MCTP1: variants seen among roughly 807,000 people sequenced by gnomAD.
MCTP1 encodes the protein multiple C2 and transmembrane domain containing 1.
In MCTP1, 69 loss-of-function variants were observed where a neutral mutation model predicts 120.6. That is an observed-to-expected ratio of 0.57 (90% CI 0.47 to 0.70). MCTP1 has a LOEUF of 0.70. Ranked by LOEUF, MCTP1 falls within the 30% of genes least tolerant of loss-of-function variation. MCTP1 has a pLI of 0.00. For missense variants in MCTP1, 1,203 were observed against 1,248.8 expected (o/e 0.96, Z 0.55); for synonymous variants, 529 against 493.1 (o/e 1.07, Z -0.96).
chr5:94,944,047 C>A (rs999416690), intron 3 of MCTP1, among the ~76,000 whole-genome samples: 180 of 151,194 alleles, frequency 1.2e-3, no homozygotes, highest in African/African-American at 4.2e-3. Flanking sequence ...CTTTTTTTTT[C>A]TTTTTATTTT....
chr5:95,063,812 G>A (rs1262952857), intron 1 of MCTP1, among the ~76,000 whole-genome samples: 1 of 77,948 alleles, frequency 1.3e-5, no homozygotes, highest in Non-Finnish European at 3.6e-5. Flanking sequence ...TGCCTAGGCT[G>A]GTCATTTTTT....
intron 6 of MCTP1, among the ~76,000 whole-genome samples, chr5:94,929,102 C>A (rs1299759369): frequency 6.6e-6 from 1 of 152,164 alleles, no homozygotes; most frequent in East Asian, 1.9e-4. Context: ...AGCTGATTCA[C>A]ATTGCAGAGC....
At chr5:94,945,451 G>T (rs1265875456) in intron 3 of MCTP1, among the ~76,000 whole-genome samples, 1 of 152,136 alleles carries the variant, frequency 6.6e-6, no homozygotes, top group Non-Finnish European at 1.5e-5. Context: ...AATGTCTATA[G>T]GTAATTATGG....
At chr5:95,051,652 ATT>A (rs1745935270) in intron 1 of MCTP1, among the ~76,000 whole-genome samples, 1 of 152,204 alleles carries the variant, frequency 6.6e-6, no homozygotes, top group Non-Finnish European at 1.5e-5. Flanking sequence ...TAAAATATAT[ATT>A]TGAGATATAC....
intron 22 of MCTP1, among the ~76,000 whole-genome samples, chr5:94,707,973 T>TA (rs34524369): frequency 0.05 from 7,104 of 142,140 alleles, 219 homozygotes; most frequent in Non-Finnish European, 0.071. Context: ...CTTCAGGATT[T>TA]AAAAAAAAAA....
intron 7 of MCTP1, among the ~76,000 whole-genome samples, chr5:94,918,283 G>A (rs77007772): frequency 0.019 from 2,895 of 152,246 alleles, 40 homozygotes; most frequent in Non-Finnish European, 0.029. Context: ...GTGCATCAGA[G>A]AAAATAACTA....
intron 1 of MCTP1, among the ~76,000 whole-genome samples, chr5:95,278,505 T>TAAACAAAC (rs971191440): frequency 1.3e-5 from 2 of 152,260 alleles, no homozygotes; most frequent in Non-Finnish European, 2.9e-5. Context: ...TCGTTCACAT[T>TAAACAAAC]AAACAAACAA....
intron 1 of MCTP1, among the ~76,000 whole-genome samples, chr5:95,092,181 T>C (rs1362308228): frequency 1.3e-5 from 2 of 152,208 alleles, no homozygotes; most frequent in East Asian, 3.8e-4. Flanking sequence ...TTGTTGTTGT[T>C]TTATTTTGTT....
At chr5:94,759,918 AAAAAAAGC>A (rs1350622850) in intron 19 of MCTP1, among the ~76,000 whole-genome samples, 1 of 149,660 alleles carries the variant, frequency 6.7e-6, no homozygotes, top group African/African-American at 2.4e-5. Flanking sequence ...AAAAAAAAAA[AAAAAAAGC>A]AGAGTGACAG....
chr5:95,007,317 T>C (rs1834964799), intron 2 of MCTP1, among the ~76,000 whole-genome samples: 2 of 152,166 alleles, frequency 1.3e-5, no homozygotes, highest in South Asian at 4.2e-4. Context: ...GTCCATCCTA[T>C]CCTAAAGAAA....
At chr5:95,167,989 G>T (rs1225780415) in intron 1 of MCTP1, among the ~76,000 whole-genome samples, 1 of 151,580 alleles carries the variant, frequency 6.6e-6, no homozygotes, top group Non-Finnish European at 1.5e-5. Flanking sequence ...GTCCTGAATG[G>T]TATTGCCTAG....
intron 4 of MCTP1, among the ~76,000 whole-genome samples, chr5:94,941,917 C>G (rs1229445940): frequency 6.6e-6 from 1 of 151,968 alleles, no homozygotes; most frequent in African/African-American, 2.4e-5. Context: ...TACCATGGCT[C>G]GAGTGACAAG....
intron 1 of MCTP1, among the ~76,000 whole-genome samples, chr5:95,109,303 T>A (rs1757296457): frequency 6.6e-6 from 1 of 152,224 alleles, no homozygotes; most frequent in Non-Finnish European, 1.5e-5. Flanking sequence ...AAGAATGGTA[T>A]AAACTAGTGA....
At chr5:94,942,522 C>T in intron 3 of MCTP1, 95 bp from the exon 4 acceptor site, 1 of 752,530 alleles carries the variant, frequency 1.3e-6, no homozygotes, top group South Asian at 1.7e-5. Flanking sequence ...TTGTCTATGT[C>T]ACCAAAAGCA....
Position 94,776,050 on chromosome 5 carries a change from C to T in MCTP1, c.2610+3060G>A, listed in dbSNP as rs1195880554. Among the ~76,000 whole-genome samples, 4 of 150,604 alleles carry T rather than the reference C, an allele frequency of 2.7e-5. No individual in the cohort carries two copies. The East Asian group carries it at 7.8e-4, about 29-fold the overall frequency. On this transcript the variant is annotated intron_variant, in intron 19 of 22. Transcript: ENST00000515393. ...CAGGTAAATCATGATTTAGCTTTTA[C>T]CAACTTTAACCAAAGTCTTCCCTGG... is the stretch of plus-strand genomic sequence containing the variant.
intron 1 of MCTP1, among the ~76,000 whole-genome samples, chr5:95,264,710 G>C (rs936003816): frequency 2.0e-5 from 3 of 152,192 alleles, no homozygotes; most frequent in African/African-American, 7.2e-5. Flanking sequence ...ACAGTGGACA[G>C]AGTGAGGGTC....
intron 11 of MCTP1, among the ~76,000 whole-genome samples, chr5:94,893,117 C>T (rs1157049934): frequency 2.0e-5 from 3 of 152,046 alleles, no homozygotes; most frequent in Non-Finnish European, 4.4e-5. Context: ...TAATATTTTA[C>T]ATTTTATTGA....
chr5:94,867,050 T>G, intron 17 of MCTP1: 1 of 334,344 alleles, frequency 3.0e-6, no homozygotes, highest in African/African-American at 2.1e-5. Flanking sequence ...AACCTGGAAG[T>G]AATAGTCTAA....
intron 2 of MCTP1, among the ~76,000 whole-genome samples, chr5:94,959,039 G>A (rs370996317): frequency 1.3e-5 from 2 of 152,142 alleles, no homozygotes; most frequent in Non-Finnish European, 2.9e-5. Flanking sequence ...CTGGCAAACC[G>A]AATCCAGCAG....
Sources: gnomAD v4.1 joint callset for allele counts (sites outside exome capture counted in the v4.1 genomes callset) on GRCh38, gnomAD v4.1.1 for gene constraint, MANE v1.5 for transcripts, NCBI Gene and HGNC (gene_info 2026-07-23, HGNC 2026-07-21) for gene names.